The following COL5A1 variants were observed in gnomAD, a reference collection of about 807,000 sequenced individuals.
COL5A1 encodes collagen type V alpha 1 chain.
COL5A1 carries 16 observed loss-of-function variants against 263.7 expected under a neutral mutation model. The ratio of observed to expected loss-of-function variants is 0.06; its 90% CI spans 0.04 to 0.09. COL5A1 has a LOEUF of 0.09. Among genes scored for constraint, COL5A1 ranks in the 10% least tolerant of loss-of-function variants. The pLI is 1.00. For synonymous variants in COL5A1, 1,012 were observed against 1,004.5 expected (o/e 1.01, Z -0.14); for missense variants, 2,036 against 2,540.5 (o/e 0.80, Z 4.27).
intron 65 of COL5A1, among the ~76,000 whole-genome samples, chr9:134,840,112 A>G (rs1016812472): frequency 6.6e-6 from 1 of 152,238 alleles, no homozygotes; most frequent in African/African-American, 2.4e-5. Flanking sequence ...CCCATTTTTT[A>G]AAATGCAGAT....
intron 8 of COL5A1, 127 bp downstream of exon 8, chr9:134,731,790 C>CA (rs1291452901): frequency 9.1e-7 from 1 of 1,097,182 alleles, no homozygotes; most frequent in Non-Finnish European, 1.3e-6. Flanking sequence ...ACCCTATTCC[C>CA]AAAACTTTAT....
intron 1 of COL5A1, among the ~76,000 whole-genome samples, chr9:134,671,126 A>G (rs1832528172): frequency 6.6e-6 from 1 of 152,190 alleles, no homozygotes; most frequent in African/African-American, 2.4e-5. Context: ...AATGAGCTCC[A>G]TGTGGCCCCA....
At chr9:134,707,356 C>A (rs2132587017) in intron 4 of COL5A1, among the ~76,000 whole-genome samples, 1 of 152,358 alleles carries the variant, frequency 6.6e-6, no homozygotes, top group South Asian at 2.1e-4. Context: ...GGTCCTCCAT[C>A]TGTCTGCCTT....
chr9:134,647,300 A>G lies in COL5A1; in HGVS notation c.109+5004A>G, dbSNP rs1295219912. 6.6e-6 allele frequency among the ~76,000 whole-genome samples: 1 copy of G among 151,922 alleles called. No individual in the cohort carries two copies. Among genetic ancestry groups the G allele is most frequent in the African/African-American group, 2.4e-5 (1 of 41,342 alleles). On this transcript the variant is annotated intron_variant, in intron 1 of 65. Transcript: ENST00000371817. This position sits in a 1 kb window ranked among gnomAD's most constrained non-coding sequence, Gnocchi z 5.0. ...GTCATTGTCCAGGCCGTGGGGTGTG[A>G]TGCATGTGAAAAGCTTTAGAAGCCA...
chr9:134,778,986 G>A (rs78525067), intron 27 of COL5A1, among the ~76,000 whole-genome samples: 22 of 152,364 alleles, frequency 1.4e-4, no homozygotes, highest in East Asian at 5.8e-4. Flanking sequence ...GAGCTCCTCC[G>A]TGTCTCCATC....
intron 49 of COL5A1, 85 bp downstream of exon 49, chr9:134,814,121 C>CTAAG: frequency 7.3e-7 from 1 of 1,373,082 alleles, no homozygotes; most frequent in Admixed American, 2.1e-5. Context: ...TCTGGCTCTG[C>CTAAG]CTTAGCTTTT....
intron 10 of COL5A1, 67 bp from the exon 11 acceptor site, chr9:134,738,678 CA>C (rs1835191156): frequency 6.7e-7 from 1 of 1,501,198 alleles, no homozygotes. Flanking sequence ...CTTGGTTGGC[CA>C]GTTGGAACTT....
intron 4 of COL5A1, among the ~76,000 whole-genome samples, chr9:134,705,113 T>C (rs890511243): frequency 6.6e-6 from 1 of 152,216 alleles, no homozygotes; most frequent in Non-Finnish European, 1.5e-5. Context: ...TGAACAAGGA[T>C]TCACCAAACT....
chr9:134,647,410 C>T lies in COL5A1; in HGVS notation c.109+5114C>T, dbSNP rs1831509919. Among the ~76,000 whole-genome samples, 1 of 152,084 alleles carries T rather than the reference C, an allele frequency of 6.6e-6. No homozygotes were observed. The highest frequency in any genetic ancestry group is 1.5e-5 in the Non-Finnish European group (1 of 68,020). ...GTGTGTGTGTGTCAGGCCGTGTGCA[C>T]GTGTGGACAATGTGTATATCTCCCC... On this transcript the variant is annotated intron_variant, in intron 1 of 65. Transcript: ENST00000371817. The surrounding 1 kb of genome is among the most constrained non-coding windows in gnomAD (Gnocchi z 5.0).
At chr9:134,760,457 A>C (rs111207701) in intron 18 of COL5A1, among the ~76,000 whole-genome samples, 3,314 of 80,522 alleles carry the variant, frequency 0.041, 107 homozygotes, top group East Asian at 0.12. Flanking sequence ...ATACACACCC[A>C]CACACCCCCA....
intron 36 of COL5A1, 138 bp from the exon 37 acceptor site, chr9:134,798,270 G>A: frequency 2.5e-6 from 2 of 794,718 alleles, no homozygotes; most frequent in South Asian, 2.9e-5. Flanking sequence ...CCCCGTGCCT[G>A]CCAGGTGATT....
chr9:134,710,611 AG>A (rs1833998502), intron 4 of COL5A1, among the ~76,000 whole-genome samples: 1 of 2,532 alleles, frequency 3.9e-4, no homozygotes, highest in African/African-American at 1.7e-3. Context: ...TGTTGGGTGC[AG>A]TGGTGGGGGA....
In COL5A1 at chr9:134,668,954, CCCAT is replaced by C. The variant is rs760262319; in HGVS notation, c.110-21926_110-21923del. ...AATCATCCATCCTTCCACCCACCCACCCATCCATCCATCCATCCATCCATCCATC... is the reference window on the plus strand; with the variant it reads ...AATCATCCATCCTTCCACCCACCCACCCATCCATCCATCCATCCATCCATC... On this transcript the variant is annotated intron_variant, in intron 1 of 65. Coordinates refer to ENST00000371817, the MANE Select transcript of COL5A1 (RefSeq NM_000093.5). 1.4e-3 allele frequency among the ~76,000 whole-genome samples: 153 copies of C among 110,508 alleles called. 3 individuals carry two copies. The highest frequency in any genetic ancestry group is 2.9e-3 in the East Asian group (11 of 3,766). The allele number at this position is 110,508 out of a possible 152,430, so 72.5% of individuals were successfully genotyped here.
intron 9 of COL5A1, among the ~76,000 whole-genome samples, chr9:134,732,835 T>G (rs1387696629): frequency 3.3e-5 from 5 of 152,198 alleles, no homozygotes; most frequent in Non-Finnish European, 7.4e-5. Context: ...GGGGTGTCCT[T>G]GTCCCATAGG....
chr9:134,804,548 T>G (rs990978781), intron 39 of COL5A1, among the ~76,000 whole-genome samples: 2 of 152,246 alleles, frequency 1.3e-5, no homozygotes, highest in Non-Finnish European at 2.9e-5. Flanking sequence ...TGGCCCATCG[T>G]AGCCCTTAAG....
At position 134,772,943 on chromosome 9, in the gene COL5A1, G is replaced by A. The variant is rs10125874; in HGVS notation, c.2331+109G>A. 749 of 1,168,078 alleles carry A rather than the reference G, an allele frequency of 6.4e-4. 2 individuals carry two copies. In the African/African-American group the frequency reaches 9.9e-3, roughly 15 times the overall value. The allele number at this position is 1,168,078 out of a possible 1,614,324, so 72.4% of individuals were successfully genotyped here. A position where few individuals can be genotyped will look rare whatever the true frequency, so the allele number is the denominator to read the frequency against. ...CATCCAGCTTGGAAAGGAAGGAGCC[G>A]GGGACACTCAGCCCTTCCTCAGGTG... On this transcript the variant is annotated intron_variant, in intron 26 of 65. Coordinates refer to ENST00000371817, the MANE Select transcript of COL5A1 (RefSeq NM_000093.5).
chr9:134,692,073 A>G (rs1319416067), intron 2 of COL5A1, among the ~76,000 whole-genome samples: 4 of 152,074 alleles, frequency 2.6e-5, no homozygotes, highest in African/African-American at 7.2e-5. Flanking sequence ...CCTCCTTTAC[A>G]TCCATGTGAC....
At chr9:134,784,746 C>T (rs528366164) in intron 29 of COL5A1, among the ~76,000 whole-genome samples, 47 of 152,386 alleles carry the variant, frequency 3.1e-4, no homozygotes, top group African/African-American at 1.1e-3. Context: ...AAATAGCAGG[C>T]AACCTCGGTG....
At chr9:134,768,210 G>A (rs554670635) in intron 24 of COL5A1, among the ~76,000 whole-genome samples, 200 bp from the exon 25 acceptor site, 21 of 152,336 alleles carry the variant, frequency 1.4e-4, no homozygotes, top group African/African-American at 4.1e-4. Context: ...GAACCTGAAG[G>A]TGCTGAGAAC....
Sources: allele counts gnomAD v4.1 joint callset (sites outside exome capture counted in the v4.1 genomes callset), GRCh38; gene constraint gnomAD v4.1.1; non-coding constraint Gnocchi (gnomAD v3.1); transcripts MANE v1.5; gene names NCBI Gene and HGNC (gene_info 2026-07-23, HGNC 2026-07-21).